The following UVRAG variants were observed in gnomAD, a reference collection of about 807,000 sequenced individuals.
UVRAG encodes the protein UV radiation resistance-associated gene protein.
In UVRAG, 19 loss-of-function variants were observed where a neutral mutation model predicts 78.0. The observed-to-expected ratio is 0.24, with a 90% CI of 0.17 to 0.36. The LOEUF is 0.36. UVRAG is among the 10% of genes least tolerant of loss of function. UVRAG has a pLI of 1.00. For missense variants in UVRAG, 740 were observed against 853.8 expected, an observed-to-expected ratio of 0.87 and a Z score of 1.66; for synonymous variants, 323 against 324.6, an observed-to-expected ratio of 1.00 and a Z score of 0.05.
At chr11:75,891,751 A>C (rs1412612884) in intron 5 of UVRAG, among the ~76,000 whole-genome samples, 1 of 152,136 alleles carries the variant, frequency 6.6e-6, no homozygotes, top group Non-Finnish European at 1.5e-5. Context: ...CTGTACTAAA[A>C]TTCAAACAAA....
At chr11:76,122,309 G>A (rs1049398992) in intron 14 of UVRAG, among the ~76,000 whole-genome samples, 1 of 152,132 alleles carries the variant, frequency 6.6e-6, no homozygotes, top group Non-Finnish European at 1.5e-5. Flanking sequence ...TTGGGGTATA[G>A]GACAGAGTAG....
chr11:75,861,862 G>T, intron 3 of UVRAG, 82 bp downstream of exon 3: 1 of 1,200,480 alleles, frequency 8.3e-7, no homozygotes, highest in Non-Finnish European at 1.2e-6. Context: ...AATAAGTTGA[G>T]GTTCAGCTCT....
intron 8 of UVRAG, among the ~76,000 whole-genome samples, chr11:76,003,257 ATTTTTTTTTT>A (rs398045280): frequency 3.2e-4 from 17 of 53,792 alleles, no homozygotes; most frequent in African/African-American, 3.9e-4. Context: ...GAAAATACTG[ATTTTTTTTTT>A]TTTTTTTTTT....
intron 12 of UVRAG, among the ~76,000 whole-genome samples, chr11:76,036,308 G>T (rs1212466437): frequency 1.3e-5 from 2 of 152,126 alleles, no homozygotes; most frequent in African/African-American, 4.8e-5. Context: ...GAACACTTTG[G>T]GAGGCCAAGG....
intron 14 of UVRAG, among the ~76,000 whole-genome samples, chr11:76,117,272 A>T (rs1386628244): frequency 6.6e-6 from 1 of 152,222 alleles, no homozygotes; most frequent in African/African-American, 2.4e-5. Flanking sequence ...AAAATTGGCA[A>T]CCTACAACAC....
intron 6 of UVRAG, among the ~76,000 whole-genome samples, chr11:75,935,430 T>C (rs902402310): frequency 2.6e-5 from 4 of 152,210 alleles, no homozygotes; most frequent in Non-Finnish European, 5.9e-5. Flanking sequence ...GTTGACTTTG[T>C]TGTGAAATAT....
At chr11:75,847,877 T>C (rs1276320386) in intron 1 of UVRAG, among the ~76,000 whole-genome samples, 1 of 149,532 alleles carries the variant, frequency 6.7e-6, no homozygotes, top group Non-Finnish European at 1.5e-5. Context: ...AGGCTGAGGC[T>C]GGGGAAATGC....
intron 7 of UVRAG, among the ~76,000 whole-genome samples, chr11:75,961,866 GA>G (rs904734394): frequency 3.2e-4 from 47 of 148,168 alleles, no homozygotes; most frequent in Non-Finnish European, 4.9e-4. Context: ...CCGCCAGGAG[GA>G]AAAAAAAAAT....
Position 75,913,933 on chromosome 11 carries a change from C to T in UVRAG, c.593+1894C>T, listed in dbSNP as rs538211640. Among the ~76,000 whole-genome samples the T allele has an allele frequency of 3.9e-5, 6 of 152,304 alleles. No homozygotes were observed. The South Asian group carries it at 1.2e-3, about 32-fold the overall frequency. The stretch of plus-strand genomic sequence containing the variant: ...GTTCATATCTAGAGTATTTTTCAGA[C>T]TCTTCAGATGTGTCAGTAATTTGAA... On this transcript the variant is annotated intron_variant, in intron 6 of 14. Transcript: ENST00000356136.
At chr11:75,994,511 G>A (rs952397915) in intron 8 of UVRAG, among the ~76,000 whole-genome samples, 9 of 152,062 alleles carry the variant, frequency 5.9e-5, no homozygotes, top group African/African-American at 1.2e-4. Flanking sequence ...CAAAACATTC[G>A]TTTGAATCCC....
chr11:76,050,948 C>T (rs1565137645), intron 12 of UVRAG, among the ~76,000 whole-genome samples: 1 of 152,118 alleles, frequency 6.6e-6, no homozygotes, highest in Non-Finnish European at 1.5e-5. Flanking sequence ...CTAAATAGCC[C>T]TTTTGCCTTT....
At chr11:75,841,356 T>C (rs545625590) in intron 1 of UVRAG, among the ~76,000 whole-genome samples, 108 of 152,336 alleles carry the variant, frequency 7.1e-4, no homozygotes, top group African/African-American at 2.5e-3. Context: ...TATTATATTG[T>C]TAAAAGATTG....
intron 13 of UVRAG, among the ~76,000 whole-genome samples, chr11:76,102,998 T>C (rs962147821): frequency 6.6e-6 from 1 of 152,188 alleles, no homozygotes; most frequent in African/African-American, 2.4e-5. Flanking sequence ...TCCTTGCAGC[T>C]GTAGGTCTGA....
intron 13 of UVRAG, among the ~76,000 whole-genome samples, chr11:76,066,862 T>A (rs1951198378): frequency 6.6e-6 from 1 of 152,222 alleles, no homozygotes. Context: ...TATCCACAAT[T>A]TGGCTTTTAT....
intron 6 of UVRAG, among the ~76,000 whole-genome samples, chr11:75,928,704 C>T (rs1948165374): frequency 6.6e-6 from 1 of 151,948 alleles, no homozygotes; most frequent in African/African-American, 2.4e-5. Context: ...CTTTGGGAGG[C>T]CCAGGTGGGC....
chr11:76,093,699 C>T (rs867187751), intron 13 of UVRAG, among the ~76,000 whole-genome samples: 2 of 152,112 alleles, frequency 1.3e-5, no homozygotes, highest in East Asian at 3.8e-4. Context: ...GATTTTTGCA[C>T]ATTGATTTTG....
chr11:76,081,503 C>T (rs1353628210), intron 13 of UVRAG, among the ~76,000 whole-genome samples: 2 of 151,994 alleles, frequency 1.3e-5, no homozygotes, highest in African/African-American at 4.8e-5. Flanking sequence ...ACCGACCGCA[C>T]CTGGCCAAGT....
At position 75,888,888 on chromosome 11, in the gene UVRAG, T is replaced by C. The variant is rs563162995; in HGVS notation, c.492T>C (p.Ala164=). ...GGCTGAATGATGGATACTATGGTGC[T>C]CCATTTGAACATAAGGTAAGAAGAT... ...IFGLNDGYYG[A]PFEHKGYSNA... The change falls in exon 5 of 15, where the codon GCT becomes GCC. Residue 164 remains alanine (A), a synonymous_variant. Transcript: ENST00000356136. 1 of 1,612,990 alleles carries C rather than the reference T, an allele frequency of 6.2e-7. No homozygotes were observed. Among genetic ancestry groups the C allele is most frequent in the South Asian group, 1.1e-5 (1 of 90,786 alleles).
chr11:76,065,674 T>C, intron 12 of UVRAG, 36 bp from the exon 13 acceptor site: 1 of 1,601,646 alleles, frequency 6.2e-7, no homozygotes, highest in Non-Finnish European at 8.5e-7. Flanking sequence ...TTTACTCAGC[T>C]TTTGAAAATA....
Sources: gnomAD v4.1 joint callset for allele counts (sites outside exome capture counted in the v4.1 genomes callset) on GRCh38, gnomAD v4.1.1 for gene constraint, MANE v1.5 for transcripts, NCBI Gene and HGNC (gene_info 2026-07-23, HGNC 2026-07-21) for gene names.